Variants in PHF21A observed in about 807,000 individuals in gnomAD.
The protein encoded by PHF21A is PHD finger protein 21A.
PHF21A carries 11 observed loss-of-function variants against 82.5 expected under a neutral mutation model. The ratio of observed to expected loss-of-function variants is 0.13; its 90% CI spans 0.08 to 0.22. PHF21A has a LOEUF of 0.22. Ranked by LOEUF, PHF21A falls within the 10% of genes least tolerant of loss-of-function variation. PHF21A has a pLI of 1.00. For synonymous variants in PHF21A, 297 were observed against 302.8 expected (o/e 0.98, Z 0.20); for missense variants, 579 against 837.8 (o/e 0.69, Z 3.81).
intron 6 of PHF21A, among the ~76,000 whole-genome samples, chr11:46,001,548 A>G (rs1846936984): frequency 6.6e-6 from 1 of 152,134 alleles, no homozygotes; most frequent in Non-Finnish European, 1.5e-5. Flanking sequence ...AGGGAGGAAA[A>G]CAAAAACACT....
intron 7 of PHF21A, among the ~76,000 whole-genome samples, chr11:45,971,890 C>CTTTCTTTTTTTTTTTTTTTTTTTTT (rs57081937): frequency 0.014 from 705 of 50,274 alleles, 233 homozygotes; most frequent in South Asian, 0.02. Context: ...CTTTTTCTTT[C>CTTTCTTTTTTTTTTTTTTTTTTTTT]TTTTTTTTTT....
At position 45,934,230 on chromosome 11, in the gene PHF21A, A is replaced by G. The variant is rs1193133810; in HGVS notation, c.1789-5T>C. The G allele has an allele frequency of 6.2e-6, 10 of 1,610,774 alleles. No homozygotes were observed. Among genetic ancestry groups the G allele is most frequent in the Non-Finnish European group, 8.5e-6 (10 of 1,179,448 alleles). On this transcript the variant is annotated splice_polypyrimidine_tract_variant and splice_region_variant and intron_variant, in intron 18 of 18. Transcript: ENST00000676320. The stretch of plus-strand genomic sequence containing the variant: ...GTTCTTCATTTCCATGCATTTCTGC[A>G]GCAAATGACAAGGGCAGTGGCACTG...
intron 6 of PHF21A, among the ~76,000 whole-genome samples, chr11:46,024,364 C>T (rs1426439616): frequency 1.3e-5 from 2 of 152,164 alleles, no homozygotes; most frequent in Admixed American, 1.3e-4. Flanking sequence ...AAAGTGCTTT[C>T]TGCTTGTTAT....
chr11:45,981,352 C>G (rs987799452), intron 6 of PHF21A, among the ~76,000 whole-genome samples: 1 of 139,178 alleles, frequency 7.2e-6, no homozygotes, highest in Non-Finnish European at 1.5e-5. Flanking sequence ...TGCCATTGCA[C>G]TCTGCACTCC....
intron 6 of PHF21A, among the ~76,000 whole-genome samples, chr11:46,041,571 A>C (rs2138780080): frequency 6.6e-6 from 1 of 152,314 alleles, no homozygotes; most frequent in Non-Finnish European, 1.5e-5. Flanking sequence ...TGATTTATTA[A>C]GTGATGTATG....
At chr11:45,996,762 TTAAC>T (rs2094923241) in intron 6 of PHF21A, among the ~76,000 whole-genome samples, 1 of 152,240 alleles carries the variant, frequency 6.6e-6, no homozygotes, top group Non-Finnish European at 1.5e-5. Context: ...TAACTCTGCC[TTAAC>T]TAATGGCATA....
chr11:46,096,331 T>C (rs1189704191), intron 1 of PHF21A, among the ~76,000 whole-genome samples: 1 of 151,992 alleles, frequency 6.6e-6, no homozygotes, highest in Non-Finnish European at 1.5e-5. Context: ...CTCTAGTTAT[T>C]GTCCCCGTCT....
chr11:45,967,583 AAGG>A (rs1431024512), intron 9 of PHF21A, among the ~76,000 whole-genome samples: 1 of 152,198 alleles, frequency 6.6e-6, no homozygotes, highest in Admixed American at 6.5e-5. Flanking sequence ...TGTCTTAGAT[AAGG>A]AGCTTATTTC....
chr11:46,068,078 G>A (rs916242302), intron 6 of PHF21A, among the ~76,000 whole-genome samples: 9 of 152,294 alleles, frequency 5.9e-5, no homozygotes, highest in Non-Finnish European at 1.0e-4. Context: ...AGAGCCCAGG[G>A]AGTAAAGGTG....
At chr11:46,095,697 T>C (rs1301007439) in intron 1 of PHF21A, among the ~76,000 whole-genome samples, 1 of 152,106 alleles carries the variant, frequency 6.6e-6, no homozygotes, top group Non-Finnish European at 1.5e-5. Flanking sequence ...TTTAAATACC[T>C]TTTGTAAAAT....
intron 6 of PHF21A, among the ~76,000 whole-genome samples, chr11:46,015,352 C>A (rs1286916025): frequency 1.3e-5 from 2 of 152,100 alleles, no homozygotes; most frequent in African/African-American, 4.8e-5. Context: ...TTAATTAGGT[C>A]CCAAATGTCA....
chr11:46,011,717 CAA>C (rs1187516086), intron 6 of PHF21A, among the ~76,000 whole-genome samples: 1 of 152,108 alleles, frequency 6.6e-6, no homozygotes, highest in Non-Finnish European at 1.5e-5. Flanking sequence ...ATTTAGCTAA[CAA>C]AAGTTCCCTA....
At chr11:45,943,963 T>C (rs1278074155) in intron 15 of PHF21A, among the ~76,000 whole-genome samples, 1 of 152,224 alleles carries the variant, frequency 6.6e-6, no homozygotes, top group Non-Finnish European at 1.5e-5. Context: ...GAACTGGCTA[T>C]CTTTTTAAAA....
intron 6 of PHF21A, among the ~76,000 whole-genome samples, chr11:46,015,346 T>C (rs1352525819): frequency 6.6e-6 from 1 of 152,232 alleles, no homozygotes; most frequent in Non-Finnish European, 1.5e-5. Flanking sequence ...TTTAGTTTAA[T>C]TAGGTCCCAA....
chr11:45,935,026 G>T, intron 18 of PHF21A: 1 of 981,460 alleles, frequency 1.0e-6, no homozygotes, highest in Non-Finnish European at 1.4e-6. Flanking sequence ...CAATGGAAAA[G>T]AAGACTGGCT....
chr11:45,992,694 C>T (rs1264523726), intron 6 of PHF21A, among the ~76,000 whole-genome samples: 1 of 152,064 alleles, frequency 6.6e-6, no homozygotes, highest in African/African-American at 2.4e-5. Context: ...AGACAAAAGG[C>T]AAGTTATATG....
intron 6 of PHF21A, among the ~76,000 whole-genome samples, chr11:46,017,869 T>G (rs2095547808): frequency 6.6e-6 from 1 of 152,190 alleles, no homozygotes; most frequent in Non-Finnish European, 1.5e-5. Flanking sequence ...TACTTTGCCT[T>G]TTCAACTCTG....
At chr11:45,934,715 G>A (rs375167458) in intron 18 of PHF21A, 9 of 310,762 alleles carry the variant, frequency 2.9e-5, no homozygotes, top group East Asian at 2.5e-4. Flanking sequence ...GAAGTGAGAC[G>A]ACAGGCCAGC....
intron 9 of PHF21A, among the ~76,000 whole-genome samples, chr11:45,967,679 A>T (rs2093525659): frequency 1.3e-5 from 2 of 152,184 alleles, no homozygotes; most frequent in Non-Finnish European, 2.9e-5. Flanking sequence ...TATCTTGCTC[A>T]CAAGCTGTGG....
Sources: allele counts gnomAD v4.1 joint callset (sites outside exome capture counted in the v4.1 genomes callset), GRCh38; gene constraint gnomAD v4.1.1; transcripts MANE v1.5; gene names NCBI Gene and HGNC (gene_info 2026-07-23, HGNC 2026-07-21).